The following RORA variants were observed in gnomAD, a reference collection of about 807,000 sequenced individuals.
RORA encodes RAR related orphan receptor A, also known as nuclear receptor ROR-alpha.
Under a neutral mutation model 69.5 loss-of-function variants are expected in RORA, and 7 were observed. That is an observed-to-expected ratio of 0.10 (90% CI 0.06 to 0.19). The LOEUF (loss-of-function observed/expected upper bound fraction) is 0.19. Among genes scored for constraint, RORA ranks in the 10% least tolerant of loss-of-function variants. RORA has a pLI of 1.00. For synonymous variants in RORA, 261 were observed against 240.8 expected (o/e 1.08, Z -0.78); for missense variants, 457 against 663.0 (o/e 0.69, Z 3.41).
chr15:60,498,822 C>T (rs1372750616), intron 10 of RORA, among the ~76,000 whole-genome samples: 1 of 150,568 alleles, frequency 6.6e-6, no homozygotes, highest in East Asian at 2.0e-4. Flanking sequence ...AATTAACCCC[C>T]AGTTACCCCT....
chr15:60,807,166 A>T (rs1225207597), intron 1 of RORA, among the ~76,000 whole-genome samples: 2 of 152,126 alleles, frequency 1.3e-5, no homozygotes, highest in Non-Finnish European at 2.9e-5. Flanking sequence ...GAAAAACCTA[A>T]AGGTTCATCC....
At chr15:60,720,262 C>T (rs887867411) in intron 1 of RORA, among the ~76,000 whole-genome samples, 2 of 152,154 alleles carry the variant, frequency 1.3e-5, no homozygotes, top group African/African-American at 4.8e-5. Flanking sequence ...GGCTGTGATA[C>T]GGGAGCTAGC....
At chr15:61,044,332 T>C (rs923917954) in intron 1 of RORA, among the ~76,000 whole-genome samples, 2 of 152,118 alleles carry the variant, frequency 1.3e-5, no homozygotes, top group Non-Finnish European at 2.9e-5. Context: ...CAGAGACACC[T>C]TGATGTCACC....
chr15:60,781,183 G>A (rs1268679765), intron 1 of RORA, among the ~76,000 whole-genome samples: 2 of 152,116 alleles, frequency 1.3e-5, no homozygotes, highest in Non-Finnish European at 2.9e-5. Flanking sequence ...GGGTGGAGTG[G>A]GGACGACTGA....
At position 60,879,892 on chromosome 15, in the gene RORA, G is replaced by A. The variant is rs113783049; in HGVS notation, c.167-201206C>T. On this transcript the variant is annotated intron_variant, in intron 1 of 10. Coordinates refer to ENST00000335670, the MANE Select transcript of RORA (RefSeq NM_134261.3). ...CCACATCTACGTGCCATTTTAGAATGCTGTTTCCTTTAAAAGCACACATAC... is the reference window on the plus strand; with the variant it reads ...CCACATCTACGTGCCATTTTAGAATACTGTTTCCTTTAAAAGCACACATAC... Among the ~76,000 whole-genome samples the A allele has an allele frequency of 2.2e-3, 332 of 152,300 alleles. 2 individuals are homozygous for A. The highest frequency in any genetic ancestry group is 0.014 in the Middle Eastern group (4 of 294).
intron 2 of RORA, among the ~76,000 whole-genome samples, chr15:60,655,290 G>T (rs2070203635): frequency 2.0e-5 from 3 of 152,058 alleles, no homozygotes; most frequent in Non-Finnish European, 2.9e-5. Context: ...TTAAGGCTCA[G>T]AAGGGTGTAC....
chr15:60,877,827 C>G (rs1358340361), intron 1 of RORA, among the ~76,000 whole-genome samples: 1 of 152,044 alleles, frequency 6.6e-6, no homozygotes, highest in Non-Finnish European at 1.5e-5. Context: ...TCTGAATATA[C>G]CCATAATTTC....
intron 1 of RORA, among the ~76,000 whole-genome samples, chr15:61,071,463 T>G (rs1331130238): frequency 3.6e-4 from 1 of 2,750 alleles, no homozygotes; most frequent in Non-Finnish European, 6.7e-4. Flanking sequence ...AGGGAAGAGG[T>G]GGGGATAAGA....
intron 1 of RORA, among the ~76,000 whole-genome samples, chr15:61,107,688 A>G (rs1005111260): frequency 1.3e-5 from 2 of 151,860 alleles, no homozygotes; most frequent in Non-Finnish European, 1.5e-5. Flanking sequence ...TCATGGTCTC[A>G]TTACCCTGTG....
At chr15:60,724,543 G>C (rs1195513707) in intron 1 of RORA, among the ~76,000 whole-genome samples, 1 of 152,136 alleles carries the variant, frequency 6.6e-6, no homozygotes, top group Non-Finnish European at 1.5e-5. Context: ...TTCCTGCTCG[G>C]ACTCAGTAGC....
At chr15:60,599,861 A>T (rs969445171) in intron 2 of RORA, among the ~76,000 whole-genome samples, 2 of 152,346 alleles carry the variant, frequency 1.3e-5, no homozygotes. Flanking sequence ...TATTGTAAGG[A>T]TTAATCGTTG....
intron 1 of RORA, among the ~76,000 whole-genome samples, chr15:60,725,462 T>C (rs574742317): frequency 2.0e-5 from 3 of 152,338 alleles, no homozygotes; most frequent in East Asian, 1.9e-4. Flanking sequence ...TAGGTGTTTA[T>C]ATTTAGGGGG....
intron 1 of RORA, among the ~76,000 whole-genome samples, chr15:60,945,595 T>A (rs73432087): frequency 6.6e-4 from 101 of 152,226 alleles, no homozygotes; most frequent in African/African-American, 2.3e-3. Context: ...TTGCTCCCCA[T>A]CCCTGCCATG....
At chr15:61,175,909 A>G (rs762066378) in intron 1 of RORA, among the ~76,000 whole-genome samples, 1 of 152,098 alleles carries the variant, frequency 6.6e-6, no homozygotes, top group Non-Finnish European at 1.5e-5. Context: ...TAGCAGTGAA[A>G]CAATGAGGGC....
chr15:61,138,319 A>G (rs899302082), intron 1 of RORA, among the ~76,000 whole-genome samples: 1 of 152,216 alleles, frequency 6.6e-6, no homozygotes, highest in Non-Finnish European at 1.5e-5. Flanking sequence ...GTACTTAAAA[A>G]AAGTGACTCA....
chr15:60,801,315 C>T (rs1158824187), intron 1 of RORA, among the ~76,000 whole-genome samples: 1 of 152,222 alleles, frequency 6.6e-6, no homozygotes, highest in Non-Finnish European at 1.5e-5. Flanking sequence ...CACACCCTCC[C>T]TGCCCACAGG....
chr15:61,100,632 T>C (rs868338947), intron 1 of RORA, among the ~76,000 whole-genome samples: 2 of 152,106 alleles, frequency 1.3e-5, no homozygotes, highest in African/African-American at 4.8e-5. Flanking sequence ...GCTGGGACCA[T>C]TCATTTGGCA....
At chr15:60,876,624 A>AT (rs994162205) in intron 1 of RORA, among the ~76,000 whole-genome samples, 50 of 150,094 alleles carry the variant, frequency 3.3e-4, no homozygotes, top group African/African-American at 8.3e-4. Flanking sequence ...ATTTTTGCTG[A>AT]TTTTTTTTTT....
intron 2 of RORA, among the ~76,000 whole-genome samples, chr15:60,590,680 C>T (rs1410461209): frequency 6.6e-6 from 1 of 151,012 alleles, no homozygotes; most frequent in African/African-American, 2.4e-5. Context: ...AAATGCAGGA[C>T]TAGCATAAAA....
Sources: gnomAD v4.1 joint callset for allele counts (sites outside exome capture counted in the v4.1 genomes callset) on GRCh38, gnomAD v4.1.1 for gene constraint, MANE v1.5 for transcripts, NCBI Gene and HGNC (gene_info 2026-07-23, HGNC 2026-07-21) for gene names.